Variants in PLEKHH3 observed in about 807,000 individuals in gnomAD.
PLEKHH3 encodes the protein pleckstrin homology, MyTH4 and FERM domain containing H3.
A neutral mutation model predicts 77.8 loss-of-function variants in PLEKHH3; 57 were observed. The observed-to-expected ratio is 0.73, with a 90% CI of 0.59 to 0.91. The LOEUF (loss-of-function observed/expected upper bound fraction) is 0.91. Ranked by LOEUF, PLEKHH3 falls within the 40% of genes least tolerant of loss-of-function variation. The pLI, the probability that PLEKHH3 is intolerant of heterozygous loss-of-function variation, is 0.00. For synonymous variants in PLEKHH3, 467 were observed against 504.8 expected (o/e 0.93, Z 1.00); for missense variants, 1,082 against 1,091.2 (o/e 0.99, Z 0.12).
At chr17:42,672,419 G>A (rs1274005179) in intron 6 of PLEKHH3, 27 bp from the exon 7 acceptor site, 2 of 1,480,228 alleles carry the variant, frequency 1.4e-6, no homozygotes, top group Admixed American at 2.2e-5. Context: ...GCGGAGGGAC[G>A]GTTTGGAGAG....
Position 42,673,299 on chromosome 17 carries a change from AG to A in PLEKHH3, c.649-4del. ...GCCTCTGGGTCCCCGCAACTTTCCT[AG>A]GGGGCCAGGGAGAGGGTCACCTTGA... On this transcript the variant is annotated splice_region_variant and splice_polypyrimidine_tract_variant and intron_variant, in intron 5 of 12. Transcript: ENST00000591022. The A allele has an allele frequency of 6.3e-7, 1 of 1,597,528 alleles. No individual in the cohort carries two copies.
In PLEKHH3 at chr17:42,673,557, C is replaced by T. The variant is rs2052750919; in HGVS notation, c.491-1G>A. 1 of 1,589,552 alleles carries T rather than the reference C, an allele frequency of 6.3e-7. No homozygotes were observed. Among genetic ancestry groups the T allele is most frequent in the Admixed American group, 1.7e-5 (1 of 58,080 alleles). On this transcript the variant is annotated splice_acceptor_variant, in intron 4 of 12. Transcript: ENST00000591022. LOFTEE classifies it high-confidence loss of function. ...CCAGACACAGTCACTGACCACAGAC[C>T]TGGGGAAAAGAGAGGCCAGGGAGGG... is the stretch of plus-strand genomic sequence containing the variant.
Position 42,669,902 on chromosome 17 carries a change from C to G in PLEKHH3, c.2013+16G>C. The G allele has an allele frequency of 3.1e-6, 5 of 1,613,146 alleles. No individual in the cohort carries two copies. Among genetic ancestry groups the G allele is most frequent in the Non-Finnish European group, 4.2e-6 (5 of 1,179,766 alleles). On this transcript the variant is annotated intron_variant, in intron 11 of 12. Transcript: ENST00000591022. ...GCTTGGGCCGCCAGAGTCCCCTTCT[C>G]CCTTCTCCCCCTCACCGTGCTCAGC...
chr17:42,671,650 C>T lies in PLEKHH3; in HGVS notation c.1077-92G>A. The T allele has an allele frequency of 1.5e-6, 2 of 1,314,550 alleles. No homozygotes were observed. The highest frequency in any genetic ancestry group is 2.4e-5 in the Admixed American group (1 of 41,530). The allele number at this position is 1,314,550 out of a possible 1,614,324, so 81.4% of individuals were successfully genotyped here. ...TTCTCTTATAGTTTATTTTATCTAG[C>T]CGATTTCCTCCCCGCCCCAACTCAA... On this transcript the variant is annotated intron_variant, in intron 7 of 12. Coordinates refer to ENST00000591022, the MANE Select transcript of PLEKHH3 (RefSeq NM_024927.5). This position sits in a 1 kb window ranked among gnomAD's most constrained non-coding sequence, Gnocchi z 4.7.
rs908134149 is a variant in PLEKHH3 at position 42,670,122 on chromosome 17, C to T, written c.1809G>A (p.Arg603=). The change falls in exon 11 of 13, where the codon CGG becomes CGA. Residue 603 remains arginine, a synonymous_variant. Transcript: ENST00000591022. ...SPGLAKRRAE[R]ARRGGAGRTA... Reference sequence around the variant, plus strand: ...TGCGGCCGGCCCCGCCGCGCCGGGCCCGCTCCGCCCGCCTCTTGGCCAGGC... The same window carrying T: ...TGCGGCCGGCCCCGCCGCGCCGGGCTCGCTCCGCCCGCCTCTTGGCCAGGC... 11 of 1,288,566 alleles carry T rather than the reference C, an allele frequency of 8.5e-6. No individual in the cohort carries two copies. In the African/African-American group the frequency reaches 1.6e-4, roughly 18 times the overall value. 79.8% of individuals were successfully genotyped at this position (1,288,566 alleles called of 1,614,324 possible).
Position 42,676,419 on chromosome 17 carries a change from G to C in PLEKHH3, c.145C>G (p.Pro49Ala). ...EETFELRTPSPAGGGRGPLEV... is the reference protein window; with the variant it reads ...EETFELRTPSAAGGGRGPLEV... ...GGACTTACCCTCCCGCCGCCCGCTGGACTCGGGGTCCGCAGCTCAAAGGTT... is the reference window on the plus strand; with the variant it reads ...GGACTTACCCTCCCGCCGCCCGCTGCACTCGGGGTCCGCAGCTCAAAGGTT... Residue 49 changes from proline to alanine, a missense_variant, in exon 1 of 13, where the codon CCA becomes GCA. Pro to Ala is a conservative substitution (Grantham distance 27, BLOSUM62 -1). Coordinates refer to ENST00000591022, the MANE Select transcript of PLEKHH3 (RefSeq NM_024927.5). This position sits in a 1 kb window ranked among gnomAD's most constrained non-coding sequence, Gnocchi z 6.6. 1.2e-6 allele frequency: 2 copies of C among 1,613,370 alleles called. No individual in the cohort carries two copies. The highest frequency in any genetic ancestry group is 1.7e-6 in the Non-Finnish European group (2 of 1,179,938).
At chr17:42,672,065 C>G in intron 7 of PLEKHH3, 21 bp downstream of exon 7, 1 of 1,453,548 alleles carries the variant, frequency 6.9e-7, no homozygotes, top group African/African-American at 1.4e-5. Flanking sequence ...TAGGCCGTAA[C>G]CCCCACCTCG....
rs1203718271 is a variant in PLEKHH3 at position 42,671,573 on chromosome 17, AC to A, written c.1077-16del. 1 of 1,598,668 alleles carries A rather than the reference AC, an allele frequency of 6.3e-7. No individual in the cohort carries two copies. The highest frequency in any genetic ancestry group is 1.1e-5 in the South Asian group (1 of 89,152). On this transcript the variant is annotated splice_polypyrimidine_tract_variant and intron_variant, in intron 7 of 12. Coordinates refer to ENST00000591022, the MANE Select transcript of PLEKHH3 (RefSeq NM_024927.5). The surrounding 1 kb of genome is among the most constrained non-coding windows in gnomAD (Gnocchi z 4.7). ...CCTGCTCGGTCCTGGGTTAGGAGGAACCCAGGGATCAATACTCCAAGGGCTT... is the reference window on the plus strand; with the variant it reads ...CCTGCTCGGTCCTGGGTTAGGAGGAACCAGGGATCAATACTCCAAGGGCTT...
At position 42,670,324 on chromosome 17, in the gene PLEKHH3, C is replaced by T. The variant is rs991637304; in HGVS notation, c.1607G>A (p.Arg536His). 18 of 1,400,900 alleles carry T rather than the reference C, an allele frequency of 1.3e-5. No individual in the cohort carries two copies. Among genetic ancestry groups the T allele is most frequent in the Non-Finnish European group, 1.7e-5 (18 of 1,086,058 alleles). 86.8% of individuals were successfully genotyped at this position (1,400,900 alleles called of 1,614,324 possible). A position where few individuals can be genotyped will look rare whatever the true frequency, so the allele number is the denominator to read the frequency against. Residue 536 changes from arginine (R) to histidine (H), a missense_variant, in exon 11 of 13, where the codon CGC becomes CAC. This residue lies in a region of PLEKHH3 where 733 missense variants were observed against 750.0 expected (regional missense o/e 0.98). Coordinates refer to ENST00000591022, the MANE Select transcript of PLEKHH3 (RefSeq NM_024927.5). ...GRPPPPDDTL[R>H]ALAALRLQSL... ...CTGCAGGCGCAGCGCCGCCAGGGCG[C>T]GCAGCGTGTCGTCGGGTGGGGGCGG... is the stretch of plus-strand genomic sequence containing the variant.
rs2052820173 is a variant in PLEKHH3, at chr17:42,676,099, G to A, written c.162+303C>T. ...TGGCGGAGGCGGAAGGAGACGGGAT[G>A]GGACGCGGGCCCAGCGGGGAAGGGA... On this transcript the variant is annotated intron_variant, in intron 1 of 12. Transcript: ENST00000591022. This position sits in a 1 kb window ranked among gnomAD's most constrained non-coding sequence, Gnocchi z 6.6. 1 of 1,253,828 alleles carries A rather than the reference G, an allele frequency of 8.0e-7. No individual in the cohort carries two copies. The highest frequency in any genetic ancestry group is 1.0e-6 in the Non-Finnish European group (1 of 996,670). 77.7% of individuals were successfully genotyped at this position (1,253,828 alleles called of 1,614,324 possible).
chr17:42,668,818 TTTGTTG>T (rs3067907), intron 12 of PLEKHH3: 74,527 of 148,802 alleles, frequency 0.5, 18,752 homozygotes, highest in South Asian at 0.62. Context: ...AACATTTTTT[TTTGTTG>T]TTGTTGTTGT....
Position 42,668,247 on chromosome 17 carries a change from C to CCT in PLEKHH3, c.2260_2261dup (p.Pro755GlyfsTer60). 3.8e-6 allele frequency: 6 copies of CCT among 1,558,604 alleles called. No individual in the cohort carries two copies. The South Asian group carries it at 6.0e-5, about 15-fold the overall frequency. On this transcript the variant is annotated frameshift_variant, in exon 13 of 13. Coordinates refer to ENST00000591022, the MANE Select transcript of PLEKHH3 (RefSeq NM_024927.5). LOFTEE classifies it high-confidence loss of function. ...ATGGAGGAGAAGAGCTGCTGCAGGG[C>CCT]CTCTCGGGGGAGGGGTTGGCCAAGT...
chr17:42,670,080 G>A lies in PLEKHH3; in HGVS notation c.1851C>T (p.Ala617=), dbSNP rs965838308. Residue 617 remains alanine (A), a synonymous_variant, in exon 11 of 13, where the codon GCC becomes GCT. Transcript: ENST00000591022. Reference sequence around the variant, plus strand: ...TGCCGGCGCCGCCTCCTCCCTCGCGGGCAATGCTTCCCGCAGTGCGGCCGG... The same window carrying A: ...TGCCGGCGCCGCCTCCTCCCTCGCGAGCAATGCTTCCCGCAGTGCGGCCGG... ...GGAGRTAGSI[A]REGGGGAGTA... is the part of the protein sequence containing the mutation. The A allele has an allele frequency of 1.4e-6, 2 of 1,443,868 alleles. No individual in the cohort carries two copies. The highest frequency in any genetic ancestry group is 2.9e-5 in the Admixed American group (1 of 35,042). The allele number at this position is 1,443,868 out of a possible 1,614,324, so 89.4% of individuals were successfully genotyped here.
At position 42,676,124 on chromosome 17, in the gene PLEKHH3, A is replaced by G; in HGVS notation, c.162+278T>C. 1 of 1,298,338 alleles carries G rather than the reference A, an allele frequency of 7.7e-7. No individual in the cohort carries two copies. Among genetic ancestry groups the G allele is most frequent in the Non-Finnish European group, 9.8e-7 (1 of 1,024,030 alleles). 80.4% of individuals were successfully genotyped at this position (1,298,338 alleles called of 1,614,324 possible). Reference sequence around the variant, plus strand: ...GGGACGCGGGCCCAGCGGGGAAGGGAGAGGCAGGGCCAGGTCGGGCCACGC... The same window carrying G: ...GGGACGCGGGCCCAGCGGGGAAGGGGGAGGCAGGGCCAGGTCGGGCCACGC... On this transcript the variant is annotated intron_variant, in intron 1 of 12. Transcript: ENST00000591022. The surrounding 1 kb of genome is among the most constrained non-coding windows in gnomAD (Gnocchi z 6.6).
At chr17:42,669,341 C>G (rs2052630228) in intron 12 of PLEKHH3, 89 bp downstream of exon 12, 6 of 1,345,764 alleles carry the variant, frequency 4.5e-6, no homozygotes, top group Non-Finnish European at 5.9e-6. Flanking sequence ...GTGCTTAGAG[C>G]TCTACCTGGC....
intron 5 of PLEKHH3, 44 bp from the exon 6 acceptor site, chr17:42,673,340 C>G: frequency 6.2e-7 from 1 of 1,606,048 alleles, no homozygotes; most frequent in South Asian, 1.1e-5. Context: ...GAAGGGAGTT[C>G]CTCACAACCC....
chr17:42,670,543 T>C (rs907686700), intron 10 of PLEKHH3, 30 bp downstream of exon 10: 13 of 1,595,634 alleles, frequency 8.1e-6, no homozygotes, highest in Non-Finnish European at 1.1e-5. Context: ...TGGGGGTCTG[T>C]TTGGAGGCGT....
At chr17:42,674,212 G>GC in intron 2 of PLEKHH3, 142 bp downstream of exon 2, 6 of 1,161,104 alleles carry the variant, frequency 5.2e-6, no homozygotes, top group Admixed American at 2.7e-5. Context: ...CAGCCGGACC[G>GC]CCCCCCGGGA....
At chr17:42,674,617 A>G in intron 1 of PLEKHH3, 1 of 428,412 alleles carries the variant, frequency 2.3e-6, no homozygotes, top group East Asian at 3.5e-5. Context: ...AGCAGGAGCT[A>G]AGGAGCCAAG....
Sources: gnomAD v4.1 joint callset for allele counts on GRCh38, gnomAD v4.1.1 for gene constraint, gnomAD v4.1.1 regional missense constraint, Gnocchi (gnomAD v3.1) non-coding constraint, MANE v1.5 for transcripts, NCBI Gene and HGNC (gene_info 2026-07-23, HGNC 2026-07-21) for gene names.